The following DNAH11 variants were observed in gnomAD, a reference collection of about 807,000 sequenced individuals.
DNAH11 encodes axonemal beta dynein heavy chain 11.
DNAH11 carries 442 observed loss-of-function variants against 526.0 expected under a neutral mutation model. That is an observed-to-expected ratio of 0.84 (90% CI 0.78 to 0.91). The LOEUF is 0.91. Among genes scored for constraint, DNAH11 ranks in the 40% least tolerant of loss-of-function variants. DNAH11 has a pLI of 0.00. For synonymous variants in DNAH11, 2,461 were observed against 1,935.9 expected (o/e 1.27, Z -7.12); for missense variants, 6,989 against 5,448.7 (o/e 1.28, Z -8.90).
At chr7:21,739,951 A>G (rs1785802405) in intron 48 of DNAH11, among the ~76,000 whole-genome samples, 1 of 152,132 alleles carries the variant, frequency 6.6e-6, no homozygotes, top group African/African-American at 2.4e-5. Flanking sequence ...CCCTATTATT[A>G]ACATCTTGCA....
At chr7:21,741,803 T>C (rs1785910483) in intron 48 of DNAH11, 124 bp from the exon 49 acceptor site, 1 of 1,088,114 alleles carries the variant, frequency 9.2e-7, no homozygotes, top group Non-Finnish European at 1.3e-6. Context: ...AGAGTCAGAG[T>C]GGAGCACTAA....
intron 49 of DNAH11, among the ~76,000 whole-genome samples, chr7:21,743,350 A>C (rs149203384): frequency 6.6e-6 from 1 of 152,336 alleles, no homozygotes; most frequent in African/African-American, 2.4e-5. Flanking sequence ...AATATTGAAA[A>C]TTACCTTGCT....
chr7:21,551,208 G>C (rs904761090), intron 2 of DNAH11, among the ~76,000 whole-genome samples: 1 of 152,056 alleles, frequency 6.6e-6, no homozygotes, highest in African/African-American at 2.4e-5. Context: ...TCTTCTCTCT[G>C]GTAAACTAGG....
chr7:21,702,971 G>C (rs1381533508), intron 37 of DNAH11, among the ~76,000 whole-genome samples, 169 bp downstream of exon 37: 2 of 152,186 alleles, frequency 1.3e-5, no homozygotes, highest in Non-Finnish European at 2.9e-5. Flanking sequence ...GAGGTCACAA[G>C]TGGTCTTGAG....
Position 21,558,861 on chromosome 7 carries a change from A to G in DNAH11, c.555A>G (p.Ser185=), listed in dbSNP as rs143304361. 4.7e-4 allele frequency: 756 copies of G among 1,609,924 alleles called. 5 individuals carry two copies. The African/African-American group carries it at 9.4e-3, about 20-fold the overall frequency. The change falls in exon 3 of 82, where the codon TCA becomes TCG. Residue 185 remains serine (S), a synonymous_variant. Transcript: ENST00000409508. The part of the protein sequence containing the change: ...NNHKSWSCFT[S]QDMEYHIEVM... ...ATAAGTCCTGGTCCTGTTTTACTTC[A>G]CAAGATATGGAATATCACATAGAAG...
chr7:21,636,713 T>C (rs1786881744), intron 26 of DNAH11, among the ~76,000 whole-genome samples: 1 of 152,188 alleles, frequency 6.6e-6, no homozygotes, highest in Non-Finnish European at 1.5e-5. Flanking sequence ...CACTCCAGCC[T>C]GGGTGACAGA....
At chr7:21,664,118 A>G (rs1782336995) in intron 30 of DNAH11, among the ~76,000 whole-genome samples, 2 of 144,538 alleles carry the variant, frequency 1.4e-5, no homozygotes, top group African/African-American at 5.1e-5. Context: ...CAGTTATTAT[A>G]TCTCAATTTC....
At position 21,698,875 on chromosome 7, in the gene DNAH11, A is replaced by C. The variant is rs1301813458; in HGVS notation, c.6180+662A>C. Reference sequence around the variant, plus strand: ...TCAAATGGAGATTCCTTTAAAAACTAAAACTACCATTTCATTTGACATTAG... The same window carrying C: ...TCAAATGGAGATTCCTTTAAAAACTCAAACTACCATTTCATTTGACATTAG... On this transcript the variant is annotated intron_variant, in intron 36 of 81. Transcript: ENST00000409508. Among the ~76,000 whole-genome samples the C allele has an allele frequency of 2.6e-5, 4 of 152,324 alleles. No homozygotes were observed. In the East Asian group the frequency reaches 7.7e-4, roughly 29 times the overall value.
chr7:21,619,075 G>A (rs1402765933), intron 23 of DNAH11, 25 bp from the exon 24 acceptor site: 2 of 1,612,620 alleles, frequency 1.2e-6, no homozygotes, highest in African/African-American at 1.3e-5. Flanking sequence ...GGAATATAAA[G>A]TCTAACTTTT....
chr7:21,613,140 T>G (rs1277151020), intron 20 of DNAH11, among the ~76,000 whole-genome samples: 1 of 143,720 alleles, frequency 7.0e-6, no homozygotes, highest in African/African-American at 3.0e-5. Flanking sequence ...TATAATGTAG[T>G]ACTATGCAGT....
Position 21,854,430 on chromosome 7 carries a change from A to T in DNAH11, c.11177A>T (p.Asn3726Ile), listed in dbSNP as rs1373207381. ...YFVINDLQKI[N>I]PLYQFSLKAF... ...GTTATTAATGACCTCCAAAAAATCA[A>T]CCCCCTCTACCAATTCTCTTTGAAG... The change falls in exon 68 of 82, where the codon AAC becomes ATC. Residue 3726 changes from asparagine to isoleucine, a missense_variant. Asn to Ile is a moderately radical substitution (Grantham distance 149, BLOSUM62 -3). Transcript: ENST00000409508. 5 of 1,613,662 alleles carry T rather than the reference A, an allele frequency of 3.1e-6. No individual in the cohort carries two copies. The highest frequency in any genetic ancestry group is 4.2e-6 in the Non-Finnish European group (5 of 1,179,834).
chr7:21,877,141 G>A (rs1454202974), intron 74 of DNAH11, among the ~76,000 whole-genome samples: 3 of 152,208 alleles, frequency 2.0e-5, no homozygotes, highest in African/African-American at 7.2e-5. Context: ...TTGCCTGGGT[G>A]TCCCTCACAG....
At chr7:21,613,931 C>CT (rs1785647415) in intron 20 of DNAH11, among the ~76,000 whole-genome samples, 1 of 110,974 alleles carries the variant, frequency 9.0e-6, no homozygotes, top group African/African-American at 3.7e-5. Flanking sequence ...CCATGCCCAG[C>CT]TAATTTTTTT....
rs569970844 is a variant in DNAH11, at chr7:21,794,527, C to A, written c.10026+5185C>A. On this transcript the variant is annotated intron_variant, in intron 61 of 81. Transcript: ENST00000409508. ...TAGAAATGCTTGAAGTACTGACCAT[C>A]CTGAATTGAGGGTAAGGGGCCCCAA... Among the ~76,000 whole-genome samples the A allele has an allele frequency of 5.3e-5, 8 of 152,216 alleles. 1 individual carries two copies. In the South Asian group the frequency reaches 1.7e-3, roughly 32 times the overall value.
chr7:21,548,294 G>A (rs1782880994), intron 2 of DNAH11, among the ~76,000 whole-genome samples: 1 of 152,108 alleles, frequency 6.6e-6, no homozygotes, highest in African/African-American at 2.4e-5. Flanking sequence ...TTTGGCTGGT[G>A]GCATTTAACT....
At chr7:21,845,078 T>C (rs377568792) in intron 66 of DNAH11, among the ~76,000 whole-genome samples, 4 of 152,148 alleles carry the variant, frequency 2.6e-5, no homozygotes, top group Non-Finnish European at 5.9e-5. Flanking sequence ...TTTTTTTTTA[T>C]GTTAGCATAA....
intron 3 of DNAH11, among the ~76,000 whole-genome samples, 159 bp from the exon 4 acceptor site, chr7:21,559,444 C>T (rs767560932): frequency 2.6e-5 from 4 of 152,012 alleles, no homozygotes; most frequent in Non-Finnish European, 4.4e-5. Context: ...GACAGAATAA[C>T]GTAACCCCAC....
chr7:21,786,021 A>C (rs905564774), intron 58 of DNAH11, among the ~76,000 whole-genome samples: 5 of 152,222 alleles, frequency 3.3e-5, no homozygotes, highest in African/African-American at 4.8e-5. Flanking sequence ...GTTTGCCCTG[A>C]TACATATAAT....
chr7:21,549,580 C>T (rs549976174), intron 2 of DNAH11, among the ~76,000 whole-genome samples: 47 of 152,154 alleles, frequency 3.1e-4, no homozygotes, highest in African/African-American at 9.4e-4. Flanking sequence ...CCCATATAAC[C>T]GAGATGCTAC....
Sources: allele counts gnomAD v4.1 joint callset (sites outside exome capture counted in the v4.1 genomes callset), GRCh38; gene constraint gnomAD v4.1.1; transcripts MANE v1.5; gene names NCBI Gene and HGNC (gene_info 2026-07-23, HGNC 2026-07-21).